The following CYRIB variants were observed in gnomAD, a reference collection of about 807,000 sequenced individuals.
CYRIB encodes the protein CYFIP related Rac1 interactor B.
A neutral mutation model predicts 44.2 loss-of-function variants in CYRIB; 8 were observed. That is an observed-to-expected ratio of 0.18 (90% CI 0.11 to 0.33). The LOEUF is 0.33. CYRIB is among the 10% of genes least tolerant of loss of function. The pLI is 1.00. For synonymous variants in CYRIB, 131 were observed against 127.2 expected (o/e 1.03, Z -0.20); for missense variants, 185 against 382.8 (o/e 0.48, Z 4.31).
chr8:129,967,843 T>C (rs935151665), intron 2 of CYRIB, among the ~76,000 whole-genome samples: 1 of 152,236 alleles, frequency 6.6e-6, no homozygotes, highest in African/African-American at 2.4e-5. Flanking sequence ...GGACATCTAA[T>C]CCTTACGTCT....
chr8:129,880,585 G>C, intron 2 of CYRIB: 1 of 241,272 alleles, frequency 4.1e-6, no homozygotes, highest in East Asian at 1.8e-4. Flanking sequence ...TTGGCATTGA[G>C]AATTTGGAAC....
chr8:129,987,856 G>C (rs763958943), intron 1 of CYRIB, among the ~76,000 whole-genome samples: 15 of 152,172 alleles, frequency 9.9e-5, no homozygotes, highest in Non-Finnish European at 1.8e-4. Context: ...ACAGTCGTGA[G>C]CCATCGCGCC....
intron 4 of CYRIB, among the ~76,000 whole-genome samples, chr8:129,865,507 G>T (rs1587850867): frequency 6.6e-6 from 1 of 152,198 alleles, no homozygotes. Flanking sequence ...CCACATTTTT[G>T]AATTTAATCT....
chr8:129,914,544 T>A (rs908712106), intron 1 of CYRIB, among the ~76,000 whole-genome samples: 2 of 152,222 alleles, frequency 1.3e-5, no homozygotes, highest in African/African-American at 4.8e-5. Context: ...GAAATGATGC[T>A]CACTCCACAC....
upstream of CYRIB, among the ~76,000 whole-genome samples, chr8:129,943,086 A>ACCCCCCC (rs779721289): frequency 2.0e-5 from 2 of 101,580 alleles, no homozygotes; most frequent in Non-Finnish European, 2.2e-5. Flanking sequence ...TGCACCGCCC[A>ACCCCCCC]CCCGCCCCCC....
chr8:129,974,376 C>G (rs898279787), intron 1 of CYRIB, among the ~76,000 whole-genome samples: 4 of 152,080 alleles, frequency 2.6e-5, no homozygotes, highest in South Asian at 4.2e-4. Flanking sequence ...AGAAGAAAAC[C>G]CTTAATGTTT....
At chr8:129,852,119 G>C in intron 8 of CYRIB, 43 bp downstream of exon 10, 1 of 1,207,190 alleles carries the variant, frequency 8.3e-7, no homozygotes, top group Non-Finnish European at 1.1e-6. Flanking sequence ...TGCCAACAGG[G>C]GCATAAATAA....
exon 9 of CYRIB, chr8:129,850,870 T>C: frequency 1.2e-6 from 2 of 1,613,186 alleles, no homozygotes; most frequent in Non-Finnish European, 8.5e-7. Flanking sequence ...CACTAGCCAT[T>C]GTGCTTAAAC....
intron 3 of CYRIB, among the ~76,000 whole-genome samples, chr8:129,876,611 T>G (rs924968783): frequency 6.6e-5 from 10 of 152,238 alleles, no homozygotes; most frequent in African/African-American, 2.4e-4. Context: ...TTTTGTAAAC[T>G]ACAAGATTCC....
At chr8:129,869,381 C>CAAAAAAAAAAAAAAAAAAAAAAAAAAAAA (rs572134261) in intron 4 of CYRIB, among the ~76,000 whole-genome samples, 1 of 74,090 alleles carries the variant, frequency 1.3e-5, no homozygotes. Flanking sequence ...AACTCTGCCT[C>CAAAAAAAAAAAAAAAAAAAAAAAAAAAAA]AAAAAAAAAA....
At chr8:129,842,827 ACT>A (rs2037225908) in intron 11 of CYRIB, among the ~76,000 whole-genome samples, 1 of 151,948 alleles carries the variant, frequency 6.6e-6, no homozygotes, top group Non-Finnish European at 1.5e-5. Flanking sequence ...ATATCTACTT[ACT>A]CTCTGGCTCT....
chr8:130,006,210 T>C (rs1217224497), intron 1 of CYRIB, among the ~76,000 whole-genome samples: 1 of 151,880 alleles, frequency 6.6e-6, no homozygotes, highest in Non-Finnish European at 1.5e-5. Context: ...GGCTGAGGTA[T>C]GAGAATCGCT....
chr8:129,939,274 C>T (rs1019759772), intron 1 of CYRIB, among the ~76,000 whole-genome samples: 1 of 144,562 alleles, frequency 6.9e-6, no homozygotes, highest in Non-Finnish European at 1.5e-5. Flanking sequence ...CGGGAAGGGA[C>T]GAGCCAACGA....
intron 1 of CYRIB, among the ~76,000 whole-genome samples, chr8:129,991,241 CA>C (rs2096625860): frequency 6.6e-6 from 1 of 150,902 alleles, no homozygotes; most frequent in Non-Finnish European, 1.5e-5. Context: ...TAGGCCCTAA[CA>C]CAGTGCCTGC....
At position 129,889,842 on chromosome 8, in the gene CYRIB, T is replaced by C. The variant is rs1053721338; in HGVS notation, c.-10-10371A>G. Among the ~76,000 whole-genome samples, 8 of 152,194 alleles carry C rather than the reference T, an allele frequency of 5.3e-5. No individual in the cohort carries two copies. In the South Asian group the frequency reaches 1.7e-3, roughly 32 times the overall value. On this transcript the variant is annotated intron_variant, in intron 2 of 11. Coordinates refer to ENST00000519824, the Ensembl canonical transcript of CYRIB. ...GAGACAGAGTTTCCACCTTGTCATC[T>C]TGGCTCACTGCAACCTCAGCTCTCG...
chr8:130,011,938 C>T (rs540653269), intron 1 of CYRIB, among the ~76,000 whole-genome samples: 14 of 152,204 alleles, frequency 9.2e-5, no homozygotes, highest in South Asian at 2.1e-4. Context: ...CCCATGTCCA[C>T]GTTCAGAAAG....
intron 11 of CYRIB, chr8:129,844,585 A>G (rs923411267): frequency 1.3e-5 from 2 of 152,164 alleles, no homozygotes; most frequent in Admixed American, 6.5e-5. Flanking sequence ...GATTAAATGT[A>G]TTTGGTTCCA....
At chr8:129,875,020 A>G (rs896058930) in intron 3 of CYRIB, among the ~76,000 whole-genome samples, 6 of 152,192 alleles carry the variant, frequency 3.9e-5, no homozygotes, top group Admixed American at 2.6e-4. Flanking sequence ...CCCTGGAGGT[A>G]AGTGAGTCAA....
intron 1 of CYRIB, among the ~76,000 whole-genome samples, chr8:129,980,937 T>G (rs1200361600): frequency 6.7e-6 from 1 of 150,102 alleles, no homozygotes; most frequent in Non-Finnish European, 1.5e-5. Flanking sequence ...TGAGCAGAGG[T>G]GGCATCACTG....
Sources: allele counts gnomAD v4.1 joint callset (sites outside exome capture counted in the v4.1 genomes callset), GRCh38; gene constraint gnomAD v4.1.1; transcripts MANE v1.5; gene names NCBI Gene and HGNC (gene_info 2026-07-23, HGNC 2026-07-21).